Variants in GINM1 observed in about 807,000 individuals in gnomAD.
GINM1 encodes glycoprotein integral membrane protein 1.
In GINM1, 29 loss-of-function variants were observed where a neutral mutation model predicts 37.8. The ratio of observed to expected loss-of-function variants is 0.77; its 90% confidence interval spans 0.57 to 1.05. GINM1 has a LOEUF of 1.05. Ranked by LOEUF, GINM1 falls within the 50% of genes least tolerant of loss-of-function variation. GINM1 has a pLI of 0.00. For missense variants in GINM1, 377 were observed against 397.9 expected, an observed-to-expected ratio of 0.95 and a Z score of 0.45; for synonymous variants, 143 against 146.2, an observed-to-expected ratio of 0.98 and a Z score of 0.16.
intron 3 of GINM1, among the ~76,000 whole-genome samples, chr6:149,574,301 C>T (rs1777880061): frequency 6.6e-6 from 1 of 152,190 alleles, no homozygotes; most frequent in Non-Finnish European, 1.5e-5. Flanking sequence ...ATCCGCCTGC[C>T]TCGGCCTCCC....
At chr6:149,570,800 A>G (rs1292456383) in intron 1 of GINM1, among the ~76,000 whole-genome samples, 4 of 152,242 alleles carry the variant, frequency 2.6e-5, no homozygotes, top group African/African-American at 9.6e-5. Flanking sequence ...TTCCAGAATA[A>G]CAATGTCTAT....
At chr6:149,579,662 A>C (rs1777968120) in intron 4 of GINM1, among the ~76,000 whole-genome samples, 172 bp from the exon 5 acceptor site, 1 of 151,936 alleles carries the variant, frequency 6.6e-6, no homozygotes, top group Non-Finnish European at 1.5e-5. Context: ...ATTGCACTCC[A>C]GCCTGGGCAA....
chr6:149,572,694 C>T (rs1272790274), intron 3 of GINM1, 91 bp downstream of exon 3: 3 of 809,610 alleles, frequency 3.7e-6, no homozygotes, highest in African/African-American at 1.7e-5. Flanking sequence ...GACAGTCTTG[C>T]TCTGTCACCC....
At chr6:149,568,207 G>A (rs948495994) in intron 1 of GINM1, among the ~76,000 whole-genome samples, 1 of 152,350 alleles carries the variant, frequency 6.6e-6, no homozygotes. Flanking sequence ...CAAGAGTTGG[G>A]TGTTGGATGA....
rs1403339736 is a variant in GINM1, at chr6:149,566,849, C to T, written c.120+315C>T. 6.6e-6 allele frequency among the ~76,000 whole-genome samples: 1 copy of T among 152,232 alleles called. No individual in the cohort carries two copies. The highest frequency in any genetic ancestry group is 2.4e-5 in the African/African-American group (1 of 41,460). On this transcript the variant is annotated intron_variant, in intron 1 of 7. Coordinates refer to ENST00000367419, the MANE Select transcript of GINM1 (RefSeq NM_138785.5). The surrounding 1 kb of genome is among the most constrained non-coding windows in gnomAD (Gnocchi z 4.4). ...AGCGCGCGGTTGCCGGTGATCAGGC[C>T]TTCGTAATGGCGCCTTCCCGGGGTA...
Position 149,568,766 on chromosome 6 carries a change from T to A in GINM1, c.120+2232T>A, listed in dbSNP as rs561405278. Among the ~76,000 whole-genome samples, 9 of 152,350 alleles carry A rather than the reference T, an allele frequency of 5.9e-5. No homozygotes were observed. The South Asian group carries it at 1.0e-3, about 18-fold the overall frequency. On this transcript the variant is annotated intron_variant, in intron 1 of 7. Coordinates refer to ENST00000367419, the MANE Select transcript of GINM1 (RefSeq NM_138785.5). ...TTATTGGACTATAAGCATTTTTCTGTTTTTATGTATGCAGTTGTCAGAAGT... is the reference window on the plus strand; with the variant it reads ...TTATTGGACTATAAGCATTTTTCTGATTTTATGTATGCAGTTGTCAGAAGT...
At chr6:149,584,849 G>C (rs924206679) in intron 7 of GINM1, among the ~76,000 whole-genome samples, 2 of 150,582 alleles carry the variant, frequency 1.3e-5, no homozygotes, top group Non-Finnish European at 3.0e-5. Flanking sequence ...AGAGAGACAC[G>C]GGGATCTTGC....
chr6:149,590,320 A>G (rs1320986880), intron 7 of GINM1, among the ~76,000 whole-genome samples: 1 of 152,174 alleles, frequency 6.6e-6, no homozygotes, highest in African/African-American at 2.4e-5. Context: ...CCAAAGACGT[A>G]CTCTCTGGTC....
chr6:149,566,438 G>A lies in GINM1; in HGVS notation c.24G>A (p.Ser8=). ...AGATGGAGGGCGCTCCACCGGGGTC[G>A]CTCGCCCTCCGGCTCCTGCTGTTCG... MEGAPPG[S]LALRLLLFVA... The change falls in exon 1 of 8, where the codon TCG becomes TCA. Residue 8 remains serine, a synonymous_variant. Transcript: ENST00000367419. The surrounding 1 kb of genome is among the most constrained non-coding windows in gnomAD (Gnocchi z 4.4). 1 of 1,571,652 alleles carries A rather than the reference G, an allele frequency of 6.4e-7. No individual in the cohort carries two copies. Among genetic ancestry groups the A allele is most frequent in the African/African-American group, 1.4e-5 (1 of 71,806 alleles).
At chr6:149,570,134 TTTTA>T (rs1777787869) in intron 1 of GINM1, among the ~76,000 whole-genome samples, 8 of 96,130 alleles carry the variant, frequency 8.3e-5, no homozygotes, top group African/African-American at 2.4e-4. Context: ...ACTAGGTAGG[TTTTA>T]TATATATATA....
rs369802364 is a variant in GINM1, at chr6:149,574,113, C to T, written c.277+1510C>T. Among the ~76,000 whole-genome samples the T allele has an allele frequency of 3.9e-4, 58 of 147,662 alleles. 1 individual carries two copies. The highest frequency in any genetic ancestry group is 2.9e-3 in the Admixed American group (42 of 14,652). On this transcript the variant is annotated intron_variant, in intron 3 of 7. Transcript: ENST00000367419. ...TTGTCCAGGCTGGAATGCAGTGGCG[C>T]GATCTCGGCTCCCTGCAACCTCCTC...
At position 149,571,834 on chromosome 6, in the gene GINM1, G is replaced by C. The variant is rs1023789160; in HGVS notation, c.121-451G>C. 2.0e-5 allele frequency among the ~76,000 whole-genome samples: 3 copies of C among 152,226 alleles called. No individual in the cohort carries two copies. In the East Asian group the frequency reaches 5.8e-4, roughly 29 times the overall value. ...GCGGTGACTCACGCCTGTAATTCCAGCACTTTGGGAGGCCGAGGAGGGCGG... is the reference window on the plus strand; with the variant it reads ...GCGGTGACTCACGCCTGTAATTCCACCACTTTGGGAGGCCGAGGAGGGCGG... On this transcript the variant is annotated intron_variant, in intron 1 of 7. Coordinates refer to ENST00000367419, the MANE Select transcript of GINM1 (RefSeq NM_138785.5).
chr6:149,575,011 T>C (rs528969704), intron 3 of GINM1, among the ~76,000 whole-genome samples: 9 of 152,386 alleles, frequency 5.9e-5, no homozygotes, highest in Non-Finnish European at 1.2e-4. Flanking sequence ...CTTTGTGTTC[T>C]TAAACCCCAT....
intron 3 of GINM1, among the ~76,000 whole-genome samples, chr6:149,575,453 C>T (rs1435877377): frequency 1.3e-5 from 2 of 152,222 alleles, no homozygotes; most frequent in African/African-American, 4.8e-5. Context: ...GACACTTTGT[C>T]GAGCTTTTTT....
At chr6:149,573,007 G>T (rs1371047636) in intron 3 of GINM1, among the ~76,000 whole-genome samples, 1 of 152,084 alleles carries the variant, frequency 6.6e-6, no homozygotes, top group Non-Finnish European at 1.5e-5. Flanking sequence ...AACAATTTTT[G>T]GATGTTATAT....
At chr6:149,573,888 C>T (rs1777868919) in intron 3 of GINM1, among the ~76,000 whole-genome samples, 2 of 151,034 alleles carry the variant, frequency 1.3e-5, no homozygotes, top group African/African-American at 2.4e-5. Flanking sequence ...AATGAATTGT[C>T]TGATTATCTA....
chr6:149,572,204 A>G, intron 1 of GINM1, 81 bp from the exon 2 acceptor site: 1 of 751,866 alleles, frequency 1.3e-6, no homozygotes, highest in South Asian at 1.7e-5. Context: ...AATAGATACA[A>G]TTGGAGGGAA....
chr6:149,588,884 A>G (rs1582739734), intron 7 of GINM1, among the ~76,000 whole-genome samples: 1 of 150,928 alleles, frequency 6.6e-6, no homozygotes, highest in Non-Finnish European at 1.5e-5. Flanking sequence ...GCTTGCTGCA[A>G]CCTCCACCTC....
At chr6:149,569,191 G>A (rs989346501) in intron 1 of GINM1, among the ~76,000 whole-genome samples, 31 of 151,826 alleles carry the variant, frequency 2.0e-4, no homozygotes, top group African/African-American at 3.4e-4. Context: ...CCGCCACTGC[G>A]CCCAGCTAAT....
Sources: gnomAD v4.1 joint callset for allele counts (sites outside exome capture counted in the v4.1 genomes callset) on GRCh38, gnomAD v4.1.1 for gene constraint, Gnocchi (gnomAD v3.1) non-coding constraint, MANE v1.5 for transcripts, NCBI Gene and HGNC (gene_info 2026-07-23, HGNC 2026-07-21) for gene names.